The following ARHGAP6 variants were observed in gnomAD, a reference collection of about 807,000 sequenced individuals.
ARHGAP6 encodes the protein Rho GTPase activating protein 6.
ARHGAP6 carries 16 observed loss-of-function variants against 55.7 expected under a neutral mutation model. The observed-to-expected ratio is 0.29, with a 90% confidence interval of 0.19 to 0.44. The LOEUF is 0.44. Ranked by LOEUF, ARHGAP6 falls within the 20% of genes least tolerant of loss-of-function variation. The pLI, the probability that ARHGAP6 is intolerant of heterozygous loss-of-function variation, is 1.00. For missense variants in ARHGAP6, 698 were observed against 808.9 expected, an observed-to-expected ratio of 0.86 and a Z score of 1.66; for synonymous variants, 382 against 360.9, an observed-to-expected ratio of 1.06 and a Z score of -0.66.
intron 1 of ARHGAP6, among the ~76,000 whole-genome samples, chrX:11,311,006 T>C (rs1427716229): frequency 8.9e-6 from 1 of 112,285 alleles, no homozygotes; most frequent in Non-Finnish European, 1.9e-5. Context: ...CACAGTTCAG[T>C]GGGTTTTTCA....
At chrX:11,438,263 C>A (rs2050006557) in intron 1 of ARHGAP6, among the ~76,000 whole-genome samples, 1 of 112,367 alleles carries the variant, frequency 8.9e-6, no homozygotes, top group Admixed American at 9.4e-5. Context: ...TGGGCAGATG[C>A]CAAAAGCTGC....
intron 6 of ARHGAP6, 46 bp downstream of exon 6, chrX:11,182,017 A>G (rs368803270): frequency 2.5e-5 from 27 of 1,080,020 alleles, no homozygotes; most frequent in African/African-American, 7.4e-5. Flanking sequence ...AGGTAATTCA[A>G]TTGAAAGTCA....
chrX:11,159,957 C>T (rs747049517), intron 9 of ARHGAP6, among the ~76,000 whole-genome samples: 40 of 110,493 alleles, frequency 3.6e-4, no homozygotes, highest in East Asian at 8.5e-4. Context: ...TTTTTAAAAA[C>T]GTAACACCTA....
At chrX:11,520,809 C>G (rs765266931) in intron 1 of ARHGAP6, among the ~76,000 whole-genome samples, 2 of 111,749 alleles carry the variant, frequency 1.8e-5, no homozygotes, top group East Asian at 5.6e-4. Flanking sequence ...TTCTCCACAT[C>G]CTCTCCAGCA....
At chrX:11,610,063 G>A (rs758268701) in intron 1 of ARHGAP6, among the ~76,000 whole-genome samples, 24 of 108,257 alleles carry the variant, frequency 2.2e-4, no homozygotes, top group Non-Finnish European at 2.7e-4. Context: ...GAGCTGCCAC[G>A]TTCAAGTGTC....
chrX:11,476,569 A>G (rs1178697769), intron 1 of ARHGAP6, among the ~76,000 whole-genome samples: 1 of 111,341 alleles, frequency 9.0e-6, no homozygotes, highest in African/African-American at 3.3e-5. Flanking sequence ...AAGATTTACT[A>G]TAAAGCTACA....
rs1343744315 is a variant in ARHGAP6, at chrX:11,354,327, C to CTCTA, written c.589-99621_589-99620insTAGA. On this transcript the variant is annotated intron_variant, in intron 1 of 12. Transcript: ENST00000337414. Reference sequence around the variant, plus strand: ...TCTCTCTCTCTCTCTCTCTCTCTCTCTATATATATATATATATATATATAT... The same window carrying CTCTA: ...TCTCTCTCTCTCTCTCTCTCTCTCTCTCTATATATATATATATATATATATATAT... 7.1e-3 allele frequency among the ~76,000 whole-genome samples: 230 copies of CTCTA among 32,329 alleles called. 1 individual carries two copies. Among genetic ancestry groups the CTCTA allele is most frequent in the Non-Finnish European group, 9.1e-3 (175 of 19,237 alleles). The allele number at this position is 32,329 out of a possible 115,157, so 28.1% of individuals were successfully genotyped here.
At chrX:11,250,564 T>A (rs1175594906) in intron 2 of ARHGAP6, among the ~76,000 whole-genome samples, 1 of 111,744 alleles carries the variant, frequency 8.9e-6, no homozygotes, top group East Asian at 2.8e-4. Flanking sequence ...TGGGAAGAAT[T>A]TGTCCCTTTG....
chrX:11,554,721 A>G (rs1454290831), intron 1 of ARHGAP6, among the ~76,000 whole-genome samples: 2 of 112,160 alleles, frequency 1.8e-5, no homozygotes, highest in African/African-American at 6.5e-5. Context: ...TCTTTGGTGC[A>G]GTGGTATGAA....
At chrX:11,301,300 T>C (rs751098706) in intron 1 of ARHGAP6, among the ~76,000 whole-genome samples, 1 of 112,550 alleles carries the variant, frequency 8.9e-6, no homozygotes, top group South Asian at 3.7e-4. Flanking sequence ...AAATAGAGAA[T>C]TGCAGTGATT....
intron 1 of ARHGAP6, among the ~76,000 whole-genome samples, chrX:11,419,224 T>C (rs2049790675): frequency 8.9e-6 from 1 of 112,316 alleles, no homozygotes. Context: ...TGCTAATTGC[T>C]GGGTGCTTCA....
At chrX:11,427,436 C>T in intron 1 of ARHGAP6, 2 of 858,232 alleles carry the variant, frequency 2.3e-6, no homozygotes, top group African/African-American at 2.2e-5. Context: ...CACCCGCCAC[C>T]CCCTCAGCCG....
At chrX:11,577,374 CAG>C (rs755265149) in intron 1 of ARHGAP6, among the ~76,000 whole-genome samples, 3 of 112,107 alleles carry the variant, frequency 2.7e-5, no homozygotes, top group African/African-American at 9.7e-5. Flanking sequence ...CTCTGCGAGA[CAG>C]AGTGGATATG....
chrX:11,381,170 T>C (rs1317783382), intron 1 of ARHGAP6, among the ~76,000 whole-genome samples: 2 of 112,606 alleles, frequency 1.8e-5, no homozygotes, highest in Non-Finnish European at 3.8e-5. Context: ...TGAGGCAATA[T>C]CATCCAAACT....
chrX:11,170,576 A>G (rs890492413), intron 8 of ARHGAP6, among the ~76,000 whole-genome samples: 20 of 111,688 alleles, frequency 1.8e-4, no homozygotes, highest in African/African-American at 6.5e-4. Context: ...GGAACAGGGG[A>G]TGGGGGATGC....
At chrX:11,266,990 A>G (rs759505295) in intron 1 of ARHGAP6, among the ~76,000 whole-genome samples, 2 of 111,475 alleles carry the variant, frequency 1.8e-5, no homozygotes, top group Admixed American at 1.9e-4. Flanking sequence ...AGAATGATTA[A>G]ACTTAAACAG....
At chrX:11,466,203 G>T (rs1478148100) in intron 1 of ARHGAP6, among the ~76,000 whole-genome samples, 2 of 111,016 alleles carry the variant, frequency 1.8e-5, no homozygotes, top group Non-Finnish European at 3.8e-5. Context: ...TACCATCTTT[G>T]GAAACCCATA....
chrX:11,594,924 TAAA>T (rs2051882711), intron 1 of ARHGAP6, among the ~76,000 whole-genome samples: 1 of 112,249 alleles, frequency 8.9e-6, no homozygotes, highest in African/African-American at 3.2e-5. Flanking sequence ...GTTTACAAAA[TAAA>T]AAACAAAGCC....
Position 11,633,493 on chromosome X carries a change from C to T in ARHGAP6, c.588+30748G>A, listed in dbSNP as rs184322693. ...ACCTGCCATGATGGGTCATTTTTAG[C>T]ATCACTCCACTATACCCACTGTTTC... is the stretch of plus-strand genomic sequence containing the variant. On this transcript the variant is annotated intron_variant, in intron 1 of 12. Transcript: ENST00000337414. 3.6e-5 allele frequency among the ~76,000 whole-genome samples: 4 copies of T among 112,014 alleles called. No homozygotes were observed. The East Asian group carries it at 1.1e-3, about 32-fold the overall frequency.
Sources: gnomAD v4.1 joint callset for allele counts (sites outside exome capture counted in the v4.1 genomes callset) on GRCh38, gnomAD v4.1.1 for gene constraint, MANE v1.5 for transcripts, NCBI Gene and HGNC (gene_info 2026-07-23, HGNC 2026-07-21) for gene names.